The following VEZF1 variants were observed in gnomAD, a reference collection of about 807,000 sequenced individuals.
VEZF1 encodes vascular endothelial zinc finger 1.
Under a neutral mutation model 44.1 loss-of-function variants are expected in VEZF1, and 5 were observed. The ratio of observed to expected loss-of-function variants is 0.11; its 90% CI spans 0.06 to 0.24. VEZF1 has a LOEUF of 0.24. Ranked by LOEUF, VEZF1 falls within the 10% of genes least tolerant of loss-of-function variation. VEZF1 has a pLI of 1.00. For synonymous variants in VEZF1, 236 were observed against 233.1 expected (o/e 1.01, Z -0.11); for missense variants, 358 against 641.8 (o/e 0.56, Z 4.78).
intron 1 of VEZF1, chr17:57,985,342 G>C: frequency 8.1e-7 from 1 of 1,231,082 alleles, no homozygotes; most frequent in Non-Finnish European, 1.0e-6. Context: ...GTCACACCAG[G>C]TCCCTGCTTC....
Position 57,972,242 on chromosome 17 carries a change from GC to G in VEZF1, c.*2230del, listed in dbSNP as rs1212186122. The G allele has an allele frequency of 6.6e-6, 1 of 152,152 alleles. No homozygotes were observed. Among genetic ancestry groups the G allele is most frequent in the Admixed American group, 6.6e-5 (1 of 15,234 alleles). The allele number at this position is 152,152 out of a possible 1,614,324, so 9.4% of individuals were successfully genotyped here. On this transcript the variant is annotated 3_prime_UTR_variant, in exon 6 of 6. Coordinates refer to ENST00000581208, the MANE Select transcript of VEZF1 (RefSeq NM_007146.3). Reference sequence around the variant, plus strand: ...AACCACATTCTAGCTTAGGGGTAGGGCCCACACCTGCCCCCACTGAGGACTG... The same window carrying G: ...AACCACATTCTAGCTTAGGGGTAGGGCCACACCTGCCCCCACTGAGGACTG...
rs2075140697 is a variant in VEZF1, at chr17:57,971,979, G to A, written c.*2494C>T. The A allele has an allele frequency of 6.6e-6, 1 of 152,396 alleles. No homozygotes were observed. 9.4% of individuals were successfully genotyped at this position (152,396 alleles called of 1,614,324 possible). A position where few individuals can be genotyped will look rare whatever the true frequency, so the allele number is the denominator to read the frequency against. On this transcript the variant is annotated 3_prime_UTR_variant, in exon 6 of 6. Transcript: ENST00000581208. ...ACAACCTATTCGGTACCCCTTTTCA[G>A]TGGCCCACCCAAAACCCCCTCCTGC... is the stretch of plus-strand genomic sequence containing the variant.
At chr17:57,987,244 G>T (rs1181804158) in intron 1 of VEZF1, among the ~76,000 whole-genome samples, 1 of 152,162 alleles carries the variant, frequency 6.6e-6, no homozygotes, top group Non-Finnish European at 1.5e-5. Flanking sequence ...TCGGGAGAAG[G>T]TCGGGCCTCC....
intron 5 of VEZF1, among the ~76,000 whole-genome samples, chr17:57,977,590 A>C (rs1415170808): frequency 6.6e-6 from 1 of 152,176 alleles, no homozygotes; most frequent in African/African-American, 2.4e-5. Flanking sequence ...CACGCCTATA[A>C]TCCCAGTACT....
chr17:57,984,111 C>T (rs1221330919), intron 1 of VEZF1, among the ~76,000 whole-genome samples: 1 of 152,232 alleles, frequency 6.6e-6, no homozygotes, highest in Non-Finnish European at 1.5e-5. Context: ...TTCAGCAACA[C>T]TATCTGTTCA....
At position 57,974,298 on chromosome 17, in the gene VEZF1, T is replaced by C. The variant is rs964293956; in HGVS notation, c.*175A>G. The C allele has an allele frequency of 1.4e-5, 10 of 736,606 alleles. No homozygotes were observed. Among genetic ancestry groups the C allele is most frequent in the Non-Finnish European group, 2.2e-5 (10 of 461,356 alleles). 45.6% of individuals were successfully genotyped at this position (736,606 alleles called of 1,614,324 possible). ...TAAAGTGGTCCAGTGATAAGTTACA[T>C]ACACACCCTACTTTGAATAATCCCA... On this transcript the variant is annotated 3_prime_UTR_variant, in exon 6 of 6. Transcript: ENST00000581208.
chr17:57,980,559 C>G (rs1279419833), intron 4 of VEZF1, 44 bp downstream of exon 4: 4 of 1,534,356 alleles, frequency 2.6e-6, no homozygotes, highest in Non-Finnish European at 3.6e-6. Context: ...GCATATTTCA[C>G]CCATCTGAAA....
Position 57,988,158 on chromosome 17 carries a change from A to AGTGG in VEZF1, c.-48_-47insCCAC. ...TCCTCCCCACTCCCCCCGCTCGGGG[A>AGTGG]GCCTCCTCAGCCGGAGGAGGCGACA... On this transcript the variant is annotated 5_prime_UTR_variant, in exon 1 of 6. Transcript: ENST00000581208. 1 of 563,466 alleles carries AGTGG rather than the reference A, an allele frequency of 1.8e-6. No homozygotes were observed. The allele number at this position is 563,466 out of a possible 1,614,324, so 34.9% of individuals were successfully genotyped here.
rs1412590606 is a variant in VEZF1 at position 57,974,095 on chromosome 17, GAGA to G, written c.*375_*377del. On this transcript the variant is annotated 3_prime_UTR_variant, in exon 6 of 6. Coordinates refer to ENST00000581208, the MANE Select transcript of VEZF1 (RefSeq NM_007146.3). Reference sequence around the variant, plus strand: ...AAATCAGCCATCCACCTTGTATAGGGAGAAGAGTTCTGCTAGTGTTTACAATAA... The same window carrying G: ...AAATCAGCCATCCACCTTGTATAGGGAGAGTTCTGCTAGTGTTTACAATAA... 4.7e-6 allele frequency: 1 copy of G among 210,774 alleles called. No individual in the cohort carries two copies. The highest frequency in any genetic ancestry group is 9.7e-6 in the Non-Finnish European group (1 of 103,254). The allele number at this position is 210,774 out of a possible 1,614,324, so 13.1% of individuals were successfully genotyped here.
intron 5 of VEZF1, among the ~76,000 whole-genome samples, chr17:57,977,185 T>C (rs1167768165): frequency 6.6e-6 from 1 of 152,110 alleles, no homozygotes; most frequent in Non-Finnish European, 1.5e-5. Flanking sequence ...GATGCAATTG[T>C]AGCTCACTGC....
Position 57,977,094 on chromosome 17 carries a change from C to T in VEZF1, c.1138+2058G>A, listed in dbSNP as rs867559492. ...TTCCTCCCCATTGCCCGTCCCCTCT[C>T]CCCATTCTAACACAAAAGTTCATTT... On this transcript the variant is annotated intron_variant, in intron 5 of 5. Coordinates refer to ENST00000581208, the MANE Select transcript of VEZF1 (RefSeq NM_007146.3). Among the ~76,000 whole-genome samples the T allele has an allele frequency of 6.6e-5, 10 of 152,262 alleles. No individual in the cohort carries two copies. The South Asian group carries it at 2.1e-3, about 32-fold the overall frequency.
rs2143316116 is a variant in VEZF1 at position 57,974,799 on chromosome 17, T to G, written c.1240A>C (p.Asn414His). 1.9e-6 allele frequency: 3 copies of G among 1,614,184 alleles called. No homozygotes were observed. The South Asian group carries it at 3.3e-5, about 18-fold the overall frequency. Residue 414 changes from asparagine to histidine, a missense_variant, in exon 6 of 6, where the codon AAC (asparagine) becomes CAC (histidine). By Grantham distance (68) the Asn-to-His change is moderately conservative. Coordinates refer to ENST00000581208, the MANE Select transcript of VEZF1 (RefSeq NM_007146.3). ...ATTGCAGCTGCCACTGTGACTGGGT[T>G]TGACATAGTCCCAGACGACACAGAG... ...TSSVSSGTMS[N>H]PVTVAAAMSM...
chr17:57,983,456 T>G, intron 1 of VEZF1, 63 bp from the exon 2 acceptor site: 1 of 1,402,412 alleles, frequency 7.1e-7, no homozygotes, highest in Non-Finnish European at 9.7e-7. Context: ...AAATTCAACA[T>G]GCTCCAGACA....
At chr17:57,980,427 T>G (rs2075238325) in intron 4 of VEZF1, among the ~76,000 whole-genome samples, 176 bp downstream of exon 4, 1 of 152,254 alleles carries the variant, frequency 6.6e-6, no homozygotes, top group Non-Finnish European at 1.5e-5. Context: ...TTTGCATACA[T>G]GAAAGTAAAG....
chr17:57,979,615 A>C (rs572299291), intron 4 of VEZF1, among the ~76,000 whole-genome samples: 38 of 152,160 alleles, frequency 2.5e-4, no homozygotes, highest in Admixed American at 3.9e-4. Context: ...TATAGGACTA[A>C]TCAACATTCA....
intron 4 of VEZF1, among the ~76,000 whole-genome samples, chr17:57,980,170 G>A (rs940896819): frequency 2.0e-5 from 3 of 152,170 alleles, no homozygotes; most frequent in African/African-American, 7.2e-5. Context: ...TGTTTCTACT[G>A]CATAAAGTAC....
chr17:57,978,195 ACT>A (rs1278729198), intron 5 of VEZF1, among the ~76,000 whole-genome samples: 1 of 150,966 alleles, frequency 6.6e-6, no homozygotes, highest in Admixed American at 6.6e-5. Context: ...AGAGCGAGAG[ACT>A]CTGTCTAAAA....
At chr17:57,978,096 G>A (rs1216653077) in intron 5 of VEZF1, among the ~76,000 whole-genome samples, 1 of 151,364 alleles carries the variant, frequency 6.6e-6, no homozygotes, top group Non-Finnish European at 1.5e-5. Context: ...CTGGCTACCC[G>A]GGAGGCTGAG....
intron 1 of VEZF1, among the ~76,000 whole-genome samples, chr17:57,983,994 C>T (rs1185174630): frequency 1.3e-5 from 2 of 152,188 alleles, no homozygotes; most frequent in East Asian, 3.8e-4. Context: ...TTGGTTGAAA[C>T]AAAATCTGCT....
Sources: gnomAD v4.1 joint callset for allele counts (sites outside exome capture counted in the v4.1 genomes callset) on GRCh38, gnomAD v4.1.1 for gene constraint, MANE v1.5 for transcripts, NCBI Gene and HGNC (gene_info 2026-07-23, HGNC 2026-07-21) for gene names.